The following CADPS variants were observed in gnomAD, a reference collection of about 807,000 sequenced individuals.
The protein encoded by CADPS is calcium-dependent secretion activator 1.
Under a neutral mutation model 167.3 loss-of-function variants are expected in CADPS, and 57 were observed. The observed-to-expected ratio is 0.34, with a 90% CI of 0.28 to 0.42. The LOEUF is 0.42. Ranked by LOEUF, CADPS falls within the 20% of genes least tolerant of loss-of-function variation. The pLI is 1.00. For missense variants in CADPS, 1,414 were observed against 1,738.1 expected, an observed-to-expected ratio of 0.81 and a Z score of 3.32; for synonymous variants, 676 against 635.3, an observed-to-expected ratio of 1.06 and a Z score of -0.96.
chr3:62,655,785 G>T (rs972428132), intron 4 of CADPS, among the ~76,000 whole-genome samples: 1 of 152,112 alleles, frequency 6.6e-6, no homozygotes, highest in African/African-American at 2.4e-5. Flanking sequence ...CAGTGCTGCA[G>T]CTATTTAATC....
At position 62,712,711 on chromosome 3, in the gene CADPS, T is replaced by G. The variant is rs567190120; in HGVS notation, c.888+40730A>C. ...GCAGGGTTATAAATAAAATGCACTTTTAAAAATATGTGAAACATGGTTGTG... is the reference window on the plus strand; with the variant it reads ...GCAGGGTTATAAATAAAATGCACTTGTAAAAATATGTGAAACATGGTTGTG... On this transcript the variant is annotated intron_variant, in intron 3 of 29. Transcript: ENST00000383710. Among the ~76,000 whole-genome samples, 8 of 152,324 alleles carry G rather than the reference T, an allele frequency of 5.3e-5. No homozygotes were observed. In the South Asian group the frequency reaches 1.4e-3, roughly 28 times the overall value.
intron 21 of CADPS, among the ~76,000 whole-genome samples, chr3:62,484,506 A>G (rs918753249): frequency 2.0e-5 from 3 of 152,234 alleles, no homozygotes; most frequent in Non-Finnish European, 4.4e-5. Context: ...GGATAGTACA[A>G]GAAGTATGAA....
intron 3 of CADPS, among the ~76,000 whole-genome samples, chr3:62,692,740 T>A (rs1412479083): frequency 1.3e-5 from 2 of 152,064 alleles, no homozygotes; most frequent in Non-Finnish European, 2.9e-5. Context: ...ACTCCTGTAA[T>A]ACACAGCCCA....
chr3:62,605,644 G>T (rs1399832992), intron 6 of CADPS, among the ~76,000 whole-genome samples: 2 of 152,180 alleles, frequency 1.3e-5, no homozygotes, highest in Non-Finnish European at 2.9e-5. Flanking sequence ...CTTTCTACCT[G>T]AGTGATGCTG....
chr3:62,626,088 T>C (rs1365941787), intron 6 of CADPS: 1 of 152,706 alleles, frequency 6.5e-6, no homozygotes, highest in Non-Finnish European at 1.4e-5. Context: ...AAGGCTGTAA[T>C]AAAATGCTAA....
At chr3:62,539,302 C>A (rs931101908) in intron 11 of CADPS, among the ~76,000 whole-genome samples, 9 of 152,096 alleles carry the variant, frequency 5.9e-5, no homozygotes, top group African/African-American at 1.9e-4. Context: ...TCCTTAAGAT[C>A]CCTTGCACAC....
intron 1 of CADPS, among the ~76,000 whole-genome samples, chr3:62,823,889 G>C (rs71296798): frequency 6.6e-6 from 1 of 152,124 alleles, no homozygotes; most frequent in Non-Finnish European, 1.5e-5. Context: ...CTGGACCTTA[G>C]GGGGCTGCAG....
intron 3 of CADPS, among the ~76,000 whole-genome samples, chr3:62,750,129 G>T (rs1445758497): frequency 1.3e-5 from 2 of 151,828 alleles, no homozygotes; most frequent in African/African-American, 2.4e-5. Context: ...AGGTGGGTGG[G>T]TCACCTGAGG....
chr3:62,701,606 TAA>T (rs5849494), intron 3 of CADPS, among the ~76,000 whole-genome samples: 6 of 130,076 alleles, frequency 4.6e-5, no homozygotes, highest in Non-Finnish European at 3.2e-5. Flanking sequence ...AGACTCAGTC[TAA>T]AAAAAAAAAA....
chr3:62,760,457 G>A (rs2085120496), intron 2 of CADPS, among the ~76,000 whole-genome samples: 1 of 152,038 alleles, frequency 6.6e-6, no homozygotes, highest in Non-Finnish European at 1.5e-5. Context: ...GTGCAGTGGT[G>A]CAGCTCACTG....
chr3:62,486,997 A>G (rs1206847984), intron 21 of CADPS, among the ~76,000 whole-genome samples: 2 of 152,248 alleles, frequency 1.3e-5, no homozygotes, highest in African/African-American at 2.4e-5. Context: ...GTAAACTGAC[A>G]GGGCACACTG....
At chr3:62,481,511 G>C (rs777070891) in intron 22 of CADPS, among the ~76,000 whole-genome samples, 8 of 152,164 alleles carry the variant, frequency 5.3e-5, no homozygotes, top group African/African-American at 1.4e-4. Flanking sequence ...TTCAGTGGGC[G>C]TAAGACAAAT....
chr3:62,594,372 G>A (rs2086818494), intron 6 of CADPS, among the ~76,000 whole-genome samples: 1 of 151,570 alleles, frequency 6.6e-6, no homozygotes, highest in Non-Finnish European at 1.5e-5. Flanking sequence ...CGTTTTAGCC[G>A]GGATGGTCTC....
intron 21 of CADPS, among the ~76,000 whole-genome samples, chr3:62,484,304 G>A (rs769153805): frequency 1.3e-5 from 2 of 152,074 alleles, no homozygotes; most frequent in Non-Finnish European, 2.9e-5. Context: ...AATCAAGGAG[G>A]TAATTCTAAG....
chr3:62,525,017 A>T (rs759800294), intron 13 of CADPS, among the ~76,000 whole-genome samples: 1 of 152,172 alleles, frequency 6.6e-6, no homozygotes, highest in Admixed American at 6.5e-5. Context: ...TGGCTTTTTG[A>T]TATCACATCC....
Position 62,513,550 on chromosome 3 carries a change from G to A in CADPS, c.2582-782C>T, listed in dbSNP as rs2068326175. On this transcript the variant is annotated intron_variant, in intron 16 of 29. Coordinates refer to ENST00000383710, the MANE Select transcript of CADPS (RefSeq NM_003716.4). ...AATGCTAAAAAACTTGAAGCAAGGA[G>A]AGTGAGTTGGTTTGGATCTGGATTT... is the stretch of plus-strand genomic sequence containing the variant. The A allele has an allele frequency of 4.8e-6, 4 of 841,316 alleles. No homozygotes were observed. In the East Asian group the frequency reaches 1.1e-4, roughly 23 times the overall value. 52.1% of individuals were successfully genotyped at this position (841,316 alleles called of 1,614,324 possible).
At chr3:62,647,522 G>A (rs373487053) in intron 5 of CADPS, among the ~76,000 whole-genome samples, 1 of 152,092 alleles carries the variant, frequency 6.6e-6, no homozygotes, top group Non-Finnish European at 1.5e-5. Flanking sequence ...CGTGATGTTG[G>A]GCAAATGATT....
At chr3:62,844,889 CA>C (rs1168871593) in intron 1 of CADPS, among the ~76,000 whole-genome samples, 4 of 152,064 alleles carry the variant, frequency 2.6e-5, no homozygotes, top group Admixed American at 6.6e-5. Flanking sequence ...GTTAATTAAA[CA>C]GGAAAAGGAG....
At chr3:62,561,456 G>C (rs1469368488) in intron 9 of CADPS, among the ~76,000 whole-genome samples, 1 of 151,496 alleles carries the variant, frequency 6.6e-6, no homozygotes, top group African/African-American at 2.4e-5. Flanking sequence ...GAGATGGTGG[G>C]GGGGATGTCT....
Sources: allele counts gnomAD v4.1 joint callset (sites outside exome capture counted in the v4.1 genomes callset), GRCh38; gene constraint gnomAD v4.1.1; transcripts MANE v1.5; gene names NCBI Gene and HGNC (gene_info 2026-07-23, HGNC 2026-07-21).